Variants in SH3GL2 observed in about 807,000 individuals in gnomAD.
SH3GL2 encodes SH3 domain containing GRB2 like 2, endophilin A1, also known as endophilin-A1.
In SH3GL2, 24 loss-of-function variants were observed where a neutral mutation model predicts 46.0. The observed-to-expected ratio is 0.52, with a 90% CI of 0.38 to 0.73. The LOEUF (loss-of-function observed/expected upper bound fraction) is 0.73, where lower values mean the gene tolerates loss of function less well. Among genes scored for constraint, SH3GL2 ranks in the 30% least tolerant of loss-of-function variants. The pLI, the probability that SH3GL2 is intolerant of heterozygous loss-of-function variation, is 0.00. For missense variants in SH3GL2, 413 were observed against 424.2 expected, an observed-to-expected ratio of 0.97 and a Z score of 0.23; for synonymous variants, 196 against 147.1, an observed-to-expected ratio of 1.33 and a Z score of -2.40.
intron 6 of SH3GL2, among the ~76,000 whole-genome samples, chr9:17,790,164 A>G (rs1824082434): frequency 6.6e-6 from 1 of 152,292 alleles, no homozygotes; most frequent in South Asian, 2.1e-4. Context: ...AGAGAGAGAG[A>G]ACAAACTTGC....
chr9:17,705,405 G>T (rs911796498), intron 1 of SH3GL2, among the ~76,000 whole-genome samples: 1 of 151,952 alleles, frequency 6.6e-6, no homozygotes, highest in Non-Finnish European at 1.5e-5. Context: ...ATTCCTAAAG[G>T]AATATAAATC....
intron 1 of SH3GL2, among the ~76,000 whole-genome samples, chr9:17,666,909 G>T (rs1820358556): frequency 6.6e-6 from 1 of 152,046 alleles, no homozygotes; most frequent in South Asian, 2.1e-4. Context: ...CCACAGTTTT[G>T]TCAACAGAAT....
intron 1 of SH3GL2, among the ~76,000 whole-genome samples, chr9:17,640,372 C>A (rs1489955161): frequency 6.6e-6 from 1 of 151,394 alleles, no homozygotes; most frequent in Non-Finnish European, 1.5e-5. Context: ...TTTTTTAAAC[C>A]ATATTAATCC....
chr9:17,740,778 C>T (rs1346457312), intron 1 of SH3GL2, among the ~76,000 whole-genome samples: 1 of 146,696 alleles, frequency 6.8e-6, no homozygotes, highest in Non-Finnish European at 1.5e-5. Flanking sequence ...ATAATAATCC[C>T]TTATTTAAAT....
intron 3 of SH3GL2, among the ~76,000 whole-genome samples, chr9:17,781,674 A>G (rs1426885502): frequency 1.3e-5 from 2 of 152,146 alleles, no homozygotes; most frequent in Non-Finnish European, 2.9e-5. Flanking sequence ...TCCTCCTACC[A>G]GCAGTATTTG....
At chr9:17,711,382 TAC>T in intron 1 of SH3GL2, among the ~76,000 whole-genome samples, 1 of 151,966 alleles carries the variant, frequency 6.6e-6, no homozygotes, top group East Asian at 1.9e-4. Context: ...GACATATATA[TAC>T]ATCTGTGAAT....
At chr9:17,756,326 AT>A (rs904681444) in intron 2 of SH3GL2, among the ~76,000 whole-genome samples, 3 of 151,550 alleles carry the variant, frequency 2.0e-5, no homozygotes, top group South Asian at 4.2e-4. Flanking sequence ...TTTTATTTTT[AT>A]TTTTTATTAT....
intron 3 of SH3GL2, among the ~76,000 whole-genome samples, chr9:17,770,683 A>G (rs9406706): frequency 0.1 from 15,559 of 152,288 alleles, 881 homozygotes; most frequent in Non-Finnish European, 0.11. Flanking sequence ...AATACGAGAG[A>G]CATTCCCTTC....
intron 1 of SH3GL2, among the ~76,000 whole-genome samples, chr9:17,696,651 C>G (rs1004835891): frequency 1.3e-5 from 2 of 152,168 alleles, no homozygotes; most frequent in Admixed American, 6.5e-5. Flanking sequence ...AACTCACTCA[C>G]TATAATGAAA....
At chr9:17,726,621 A>G (rs1822026535) in intron 1 of SH3GL2, among the ~76,000 whole-genome samples, 1 of 152,180 alleles carries the variant, frequency 6.6e-6, no homozygotes, top group African/African-American at 2.4e-5. Context: ...TAGCAGAACA[A>G]ACAACAGTAG....
chr9:17,582,671 C>T (rs1818298519), intron 1 of SH3GL2, among the ~76,000 whole-genome samples: 1 of 152,202 alleles, frequency 6.6e-6, no homozygotes, highest in East Asian at 1.9e-4. Context: ...TAACAAAGTA[C>T]TACAAACTGA....
In SH3GL2 at chr9:17,690,323, A is replaced by T. The variant is rs1218158605; in HGVS notation, c.46-56743A>T. 2.0e-5 allele frequency among the ~76,000 whole-genome samples: 3 copies of T among 152,072 alleles called. No homozygotes were observed. In the South Asian group the frequency reaches 6.2e-4, roughly 32 times the overall value. ...GCCTCAGGCACTGCATAAAAAGTTGAATATGTCTGACTTTGTTTTTATGGA... is the reference window on the plus strand; with the variant it reads ...GCCTCAGGCACTGCATAAAAAGTTGTATATGTCTGACTTTGTTTTTATGGA... On this transcript the variant is annotated intron_variant, in intron 1 of 8. Coordinates refer to ENST00000380607, the MANE Select transcript of SH3GL2 (RefSeq NM_003026.5).
chr9:17,615,965 T>A (rs1344226083), intron 1 of SH3GL2, among the ~76,000 whole-genome samples: 1 of 152,156 alleles, frequency 6.6e-6, no homozygotes, highest in Non-Finnish European at 1.5e-5. Flanking sequence ...AAAGTTAAAA[T>A]TTGTGCTCAA....
chr9:17,593,817 C>G (rs1404498958), intron 1 of SH3GL2, among the ~76,000 whole-genome samples: 1 of 152,196 alleles, frequency 6.6e-6, no homozygotes, highest in African/African-American at 2.4e-5. Flanking sequence ...TACCATCCGT[C>G]ATCAGGCTGT....
At chr9:17,698,934 C>T (rs942082390) in intron 1 of SH3GL2, among the ~76,000 whole-genome samples, 1 of 151,958 alleles carries the variant, frequency 6.6e-6, no homozygotes, top group Non-Finnish European at 1.5e-5. Flanking sequence ...AGGCGGGTGG[C>T]TCATGAAGTC....
chr9:17,661,832 G>A (rs117147231), intron 1 of SH3GL2, among the ~76,000 whole-genome samples: 1,554 of 152,168 alleles, frequency 0.01, 17 homozygotes, highest in Middle Eastern at 0.02. Flanking sequence ...ACTTTAACAC[G>A]TAATACTTAT....
At chr9:17,643,519 A>G (rs2134648736) in intron 1 of SH3GL2, among the ~76,000 whole-genome samples, 1 of 152,274 alleles carries the variant, frequency 6.6e-6, no homozygotes, top group South Asian at 2.1e-4. Context: ...TTTGTCATAA[A>G]AAGTTCTTAT....
chr9:17,775,432 C>T (rs1823615154), intron 3 of SH3GL2, among the ~76,000 whole-genome samples: 2 of 151,990 alleles, frequency 1.3e-5, no homozygotes, highest in South Asian at 2.1e-4. Flanking sequence ...GAAACAAAAC[C>T]CATCTGTTGT....
chr9:17,695,452 G>T (rs1536069), intron 1 of SH3GL2, among the ~76,000 whole-genome samples: 66,672 of 151,836 alleles, frequency 0.44, 14,999 homozygotes, highest in Admixed American at 0.56. Flanking sequence ...TAAGGAGTAA[G>T]TGGATTATTT....
Sources: gnomAD v4.1 joint callset for allele counts (sites outside exome capture counted in the v4.1 genomes callset) on GRCh38, gnomAD v4.1.1 for gene constraint, MANE v1.5 for transcripts, NCBI Gene and HGNC (gene_info 2026-07-23, HGNC 2026-07-21) for gene names.